The following RBL1 variants were observed in gnomAD, a reference collection of about 807,000 sequenced individuals.
The protein encoded by RBL1 is retinoblastoma-like protein 1.
Under a neutral mutation model 123.0 loss-of-function variants are expected in RBL1, and 82 were observed. That is an observed-to-expected ratio of 0.67 (90% confidence interval 0.56 to 0.80). The LOEUF (loss-of-function observed/expected upper bound fraction) is 0.80. RBL1 is among the 30% of genes least tolerant of loss of function. The probability of loss-of-function intolerance (pLI) is 0.00; values close to 1 mark genes in which losing one functional copy is unlikely to be tolerated. For synonymous variants in RBL1, 405 were observed against 441.3 expected (o/e 0.92, Z 1.03); for missense variants, 1,171 against 1,299.6 (o/e 0.90, Z 1.52).
At chr20:37,039,032 A>C (rs553748331) in intron 14 of RBL1, among the ~76,000 whole-genome samples, 58 of 152,368 alleles carry the variant, frequency 3.8e-4, no homozygotes, top group African/African-American at 1.4e-3. Flanking sequence ...TGTTCATCTA[A>C]GATTTGTTAA....
Position 37,056,954 on chromosome 20 carries a change from A to G in RBL1, c.1251-696T>C, listed in dbSNP as rs75844652. ...AAATGGCAGTATTTCCTTCTTTTAT[A>G]AGGCTGAATAATATTCCATCTCATA... is the stretch of plus-strand genomic sequence containing the variant. On this transcript the variant is annotated intron_variant, in intron 9 of 21. Coordinates refer to ENST00000373664, the MANE Select transcript of RBL1 (RefSeq NM_002895.5). 3.4e-4 allele frequency among the ~76,000 whole-genome samples: 52 copies of G among 152,116 alleles called. 1 individual carries two copies. In the East Asian group the frequency reaches 9.8e-3, roughly 29 times the overall value.
chr20:37,039,765 G>C (rs1195415657), intron 14 of RBL1, among the ~76,000 whole-genome samples: 4 of 151,838 alleles, frequency 2.6e-5, no homozygotes, highest in African/African-American at 9.7e-5. Flanking sequence ...GGACATGAGG[G>C]GGGTCTCACT....
At chr20:36,999,316 C>T (rs2063925189) in intron 21 of RBL1, among the ~76,000 whole-genome samples, 1 of 151,196 alleles carries the variant, frequency 6.6e-6, no homozygotes, top group South Asian at 2.1e-4. Context: ...TAAGGAGCAT[C>T]ACCTGAGCCT....
chr20:37,045,081 CTTAT>C (rs373003508), intron 12 of RBL1, among the ~76,000 whole-genome samples: 14,610 of 145,940 alleles, frequency 0.1, 903 homozygotes, highest in African/African-American at 0.18. Context: ...CATTTATTTA[CTTAT>C]TTATTTATTT....
intron 9 of RBL1, among the ~76,000 whole-genome samples, chr20:37,057,808 G>T (rs1221413533): frequency 2.0e-5 from 3 of 152,062 alleles, no homozygotes; most frequent in Non-Finnish European, 4.4e-5. Context: ...GGCCAACATG[G>T]TGAAACATGT....
chr20:37,065,709 A>T (rs1365533869), intron 6 of RBL1, among the ~76,000 whole-genome samples: 2 of 151,674 alleles, frequency 1.3e-5, no homozygotes, highest in Admixed American at 6.6e-5. Flanking sequence ...GCAGTGGTAC[A>T]ATCATGGCTC....
chr20:37,017,687 G>C (rs372287232), intron 19 of RBL1, among the ~76,000 whole-genome samples: 20 of 149,530 alleles, frequency 1.3e-4, no homozygotes, highest in Admixed American at 3.3e-4. Context: ...CTGGAGTGCA[G>C]TGGCGTGATC....
In RBL1 at chr20:37,049,308, C is replaced by A. The variant is rs151061608; in HGVS notation, c.1468-2118G>T. 5,542 of 637,784 alleles carry A rather than the reference C, an allele frequency of 8.7e-3. 35 individuals carry two copies. Among genetic ancestry groups the A allele is most frequent in the Non-Finnish European group, 0.012 (4,260 of 354,664 alleles). 39.5% of individuals were successfully genotyped at this position (637,784 alleles called of 1,614,324 possible). Reference sequence around the variant, plus strand: ...GAAAACCATCACCCTCAAGGTTGAACCCTCGGATACGACAGAAAATGTAAA... The same window carrying A: ...GAAAACCATCACCCTCAAGGTTGAAACCTCGGATACGACAGAAAATGTAAA... On this transcript the variant is annotated intron_variant, in intron 11 of 21. Transcript: ENST00000373664.
intron 2 of RBL1, among the ~76,000 whole-genome samples, chr20:37,077,030 G>A (rs1419265460): frequency 6.6e-6 from 1 of 150,806 alleles, no homozygotes; most frequent in Non-Finnish European, 1.5e-5. Context: ...TCCGCCTTCC[G>A]GGTTCAAGCA....
rs1276522570 is a variant in RBL1 at position 37,055,595 on chromosome 20, T to A, written c.1425A>T (p.Val475=). 6.2e-7 allele frequency: 1 copy of A among 1,614,016 alleles called. No individual in the cohort carries two copies. The highest frequency in any genetic ancestry group is 1.3e-5 in the African/African-American group (1 of 74,910). The change falls in exon 11 of 22, where the codon GTA becomes GTT. Residue 475 remains valine (V), a synonymous_variant. Coordinates refer to ENST00000373664, the MANE Select transcript of RBL1 (RefSeq NM_002895.5). ...EILYYKILET[V]MVQETRRLHG... is the part of the protein sequence containing the mutation. Reference sequence around the variant, plus strand: ...GAAGTCTTCGTGTTTCCTGAACCATTACAGTCTCTAGTATTTTATAATACA... The same window carrying A: ...GAAGTCTTCGTGTTTCCTGAACCATAACAGTCTCTAGTATTTTATAATACA...
intron 10 of RBL1, 78 bp downstream of exon 10, chr20:37,056,068 A>G: frequency 3.3e-6 from 5 of 1,503,550 alleles, no homozygotes; most frequent in Non-Finnish European, 1.8e-6. Flanking sequence ...ATAACGGGAG[A>G]GGAAAAACCG....
At position 37,003,842 on chromosome 20, in the gene RBL1, A is replaced by G; in HGVS notation, c.2896T>C (p.Phe966Leu). ...HMMDAPPLSP[F>L]PHIKQQPGSP... Reference sequence around the variant, plus strand: ...CCTGGCTGTTGTTTAATATGTGGAAAAGGAGAGAGTGGTGGAGCATCCATC... The same window carrying G: ...CCTGGCTGTTGTTTAATATGTGGAAGAGGAGAGAGTGGTGGAGCATCCATC... Residue 966 changes from phenylalanine (F) to leucine (L), a missense_variant, in exon 21 of 22, where the codon TTT (phenylalanine) becomes CTT (leucine). Physicochemically the swap from Phe to Leu is conservative, Grantham distance 22 (BLOSUM62 0). Transcript: ENST00000373664. 6.2e-7 allele frequency: 1 copy of G among 1,613,600 alleles called. No individual in the cohort carries two copies. Among genetic ancestry groups the G allele is most frequent in the East Asian group, 2.2e-5 (1 of 44,872 alleles).
intron 2 of RBL1, among the ~76,000 whole-genome samples, chr20:37,085,758 A>C (rs1051693648): frequency 7.1e-6 from 1 of 140,058 alleles, no homozygotes; most frequent in Non-Finnish European, 1.5e-5. Context: ...GGTTCACGCC[A>C]TACTCCCACC....
chr20:37,069,389 T>C (rs184642137), intron 2 of RBL1, among the ~76,000 whole-genome samples: 1 of 147,322 alleles, frequency 6.8e-6, no homozygotes, highest in Non-Finnish European at 1.5e-5. Flanking sequence ...ACCTAGGAAG[T>C]GAGGAGCACC....
At chr20:37,001,801 C>T (rs1015246371) in intron 21 of RBL1, among the ~76,000 whole-genome samples, 37 of 149,100 alleles carry the variant, frequency 2.5e-4, no homozygotes, top group Admixed American at 4.0e-4. Context: ...AATAAGCTTC[C>T]CATTATGCAA....
rs532176042 is a variant in RBL1, at chr20:37,013,662, C to T, written c.2722+4617G>A. ...GGATGAAAGATCCAGTGAAGTCTCT[C>T]AGCTTTACTCTTAGGGATAATAATG... On this transcript the variant is annotated intron_variant, in intron 19 of 21. Coordinates refer to ENST00000373664, the MANE Select transcript of RBL1 (RefSeq NM_002895.5). 2.0e-5 allele frequency among the ~76,000 whole-genome samples: 3 copies of T among 151,894 alleles called. No individual in the cohort carries two copies. The East Asian group carries it at 5.8e-4, about 29-fold the overall frequency.
At chr20:37,053,070 T>C (rs975875821) in intron 11 of RBL1, among the ~76,000 whole-genome samples, 4 of 152,160 alleles carry the variant, frequency 2.6e-5, no homozygotes, top group African/African-American at 9.7e-5. Flanking sequence ...TTGAAAGAAA[T>C]AGACAAATCT....
intron 2 of RBL1, among the ~76,000 whole-genome samples, chr20:37,088,591 G>A (rs184262228): frequency 2.8e-4 from 43 of 152,070 alleles, no homozygotes; most frequent in East Asian, 1.9e-4. Flanking sequence ...AGTGGCTCAC[G>A]TCTATAATCC....
intron 8 of RBL1, 58 bp downstream of exon 8, chr20:37,062,026 A>G (rs2146295198): frequency 6.8e-7 from 1 of 1,461,862 alleles, no homozygotes; most frequent in African/African-American, 1.4e-5. Context: ...CTGTTAGTAG[A>G]ATCACACACA....
Sources: allele counts gnomAD v4.1 joint callset (sites outside exome capture counted in the v4.1 genomes callset), GRCh38; gene constraint gnomAD v4.1.1; transcripts MANE v1.5; gene names NCBI Gene and HGNC (gene_info 2026-07-23, HGNC 2026-07-21).